FBXO42: variants seen among roughly 807,000 people sequenced by gnomAD.
FBXO42 encodes F-box only protein 42.
FBXO42 carries 12 observed loss-of-function variants against 71.7 expected under a neutral mutation model. That is an observed-to-expected ratio of 0.17 (90% CI 0.11 to 0.27). FBXO42 has a LOEUF of 0.27. Among genes scored for constraint, FBXO42 ranks in the 10% least tolerant of loss-of-function variants. The probability of loss-of-function intolerance (pLI) is 1.00; values close to 1 mark genes in which losing one functional copy is unlikely to be tolerated. For missense variants in FBXO42, 707 were observed against 911.9 expected (o/e 0.78, Z 2.89); for synonymous variants, 325 against 327.5 (o/e 0.99, Z 0.08).
intron 1 of FBXO42, among the ~76,000 whole-genome samples, chr1:16,351,591 G>C (rs1042608823): frequency 1.3e-5 from 2 of 151,746 alleles, no homozygotes; most frequent in African/African-American, 4.8e-5. Context: ...CGACCATCAA[G>C]ATCTCACAAT....
At chr1:16,338,351 C>G (rs2082571880) in intron 1 of FBXO42, among the ~76,000 whole-genome samples, 1 of 65,716 alleles carries the variant, frequency 1.5e-5, no homozygotes, top group African/African-American at 5.1e-5. Context: ...ATGGCCCTAT[C>G]TCCAAAAAAA....
rs376758502 is a variant in FBXO42, at chr1:16,255,836, C to T, written c.657-15G>A. 3 of 1,594,250 alleles carry T rather than the reference C, an allele frequency of 1.9e-6. No individual in the cohort carries two copies. The highest frequency in any genetic ancestry group is 1.3e-5 in the African/African-American group (1 of 74,378). On this transcript the variant is annotated splice_polypyrimidine_tract_variant and intron_variant, in intron 5 of 9. Transcript: ENST00000375592. Reference sequence around the variant, plus strand: ...TGCAGTTCCACCTAATGTAAAAAGACAGGAGGAAGTCAAGAAGTCAGCACC... The same window carrying T: ...TGCAGTTCCACCTAATGTAAAAAGATAGGAGGAAGTCAAGAAGTCAGCACC...
Position 16,250,883 on chromosome 1 carries a change from G to A in FBXO42, c.1941C>T (p.Tyr647=), listed in dbSNP as rs550089602. 2.4e-5 allele frequency: 38 copies of A among 1,614,104 alleles called. No homozygotes were observed. Among genetic ancestry groups the A allele is most frequent in the Middle Eastern group, 1.6e-4 (1 of 6,062 alleles). ...CCTTGGTGTCTTTAATGTCCAGCACGTACATCTGCATGGGCTTGCAGTTCA... is the reference window on the plus strand; with the variant it reads ...CCTTGGTGTCTTTAATGTCCAGCACATACATCTGCATGGGCTTGCAGTTCA... The part of the protein sequence containing the change: ...QSMNCKPMQM[Y]VLDIKDTKEK... Residue 647 remains tyrosine, a synonymous_variant, in exon 10 of 10, where the codon TAC becomes TAT. Transcript: ENST00000375592. This position sits in a 1 kb window ranked among gnomAD's most constrained non-coding sequence, Gnocchi z 4.7.
Position 16,270,751 on chromosome 1 carries a change from TACACACACACACACAC to T in FBXO42, c.503-14008_503-13993del, listed in dbSNP as rs58610558. On this transcript the variant is annotated intron_variant, in intron 4 of 9. Coordinates refer to ENST00000375592, the MANE Select transcript of FBXO42 (RefSeq NM_018994.3). ...TCCAAATCCCTTACTTACCATGAGA[TACACACACACACACAC>T]ACACACACACACACACACACACACA... Among the ~76,000 whole-genome samples, 363 of 111,002 alleles carry T rather than the reference TACACACACACACACAC, an allele frequency of 3.3e-3. 1 individual carries two copies. Among genetic ancestry groups the T allele is most frequent in the African/African-American group, 9.9e-3 (279 of 28,188 alleles). The allele number at this position is 111,002 out of a possible 152,430, so 72.8% of individuals were successfully genotyped here. A position where few individuals can be genotyped will look rare whatever the true frequency, so the allele number is the denominator to read the frequency against.
intron 1 of FBXO42, among the ~76,000 whole-genome samples, chr1:16,336,218 A>G (rs2082551984): frequency 6.6e-6 from 1 of 152,036 alleles, no homozygotes; most frequent in East Asian, 2.0e-4. Flanking sequence ...GATTACAGGC[A>G]TGAGCCACCG....
Position 16,320,360 on chromosome 1 carries a change from C to CAAAA in FBXO42, c.-17-4929_-17-4926dup, listed in dbSNP as rs35441053. The stretch of plus-strand genomic sequence containing the variant: ...TGGGCAACAAGAGCAAACTCCATGT[C>CAAAA]AAAAAAAAAAAAAAAAAAATCAAAC... On this transcript the variant is annotated intron_variant, in intron 1 of 9. Coordinates refer to ENST00000375592, the MANE Select transcript of FBXO42 (RefSeq NM_018994.3). Among the ~76,000 whole-genome samples, 20 of 113,438 alleles carry CAAAA rather than the reference C, an allele frequency of 1.8e-4. 1 individual carries two copies. Among genetic ancestry groups the CAAAA allele is most frequent in the African/African-American group, 6.0e-4 (17 of 28,408 alleles). The allele number at this position is 113,438 out of a possible 152,430, so 74.4% of individuals were successfully genotyped here.
intron 4 of FBXO42, 65 bp from the exon 5 acceptor site, chr1:16,256,824 T>C: frequency 1.9e-6 from 3 of 1,544,558 alleles, no homozygotes; most frequent in Non-Finnish European, 2.7e-6. Context: ...AGTTAGGCTA[T>C]CCATAGATCA....
chr1:16,283,643 C>G (rs2081990432), intron 4 of FBXO42, among the ~76,000 whole-genome samples: 1 of 151,808 alleles, frequency 6.6e-6, no homozygotes, highest in Admixed American at 6.6e-5. Context: ...ATTACAGGCA[C>G]CCACCACCAT....
chr1:16,313,239 T>C (rs1222432967), intron 2 of FBXO42, among the ~76,000 whole-genome samples: 1 of 144,490 alleles, frequency 6.9e-6, no homozygotes, highest in Non-Finnish European at 1.5e-5. Flanking sequence ...TTGTGAGTAC[T>C]AGGGTAGGGT....
At chr1:16,283,495 T>TTTTTTTTTTTTTG (rs1553151403) in intron 4 of FBXO42, among the ~76,000 whole-genome samples, 21 of 68,728 alleles carry the variant, frequency 3.1e-4, no homozygotes, top group South Asian at 1.1e-3. Context: ...CTGTGGCAAG[T>TTTTTTTTTTTTTG]TTTTTTTTTT....
intron 1 of FBXO42, among the ~76,000 whole-genome samples, chr1:16,322,127 T>A (rs1001439093): frequency 2.0e-5 from 3 of 152,194 alleles, no homozygotes; most frequent in Non-Finnish European, 4.4e-5. Flanking sequence ...CCTTTATATG[T>A]TACTAGATGT....
intron 1 of FBXO42, among the ~76,000 whole-genome samples, chr1:16,341,500 T>A (rs2082603862): frequency 2.0e-5 from 3 of 151,096 alleles, no homozygotes; most frequent in African/African-American, 7.3e-5. Flanking sequence ...CTCAGGAGGC[T>A]GAGGCAGGAG....
intron 4 of FBXO42, among the ~76,000 whole-genome samples, chr1:16,291,508 G>A (rs1002470724): frequency 6.6e-6 from 1 of 151,990 alleles, no homozygotes; most frequent in South Asian, 2.1e-4. Flanking sequence ...AACCTCCTGA[G>A]TAGCTGAGGT....
At chr1:16,272,069 T>G (rs7530218) in intron 4 of FBXO42, among the ~76,000 whole-genome samples, 1 of 144,514 alleles carries the variant, frequency 6.9e-6, no homozygotes, top group Non-Finnish European at 1.5e-5. Context: ...GCAGGAGAAT[T>G]GCATGAATCT....
At chr1:16,253,452 T>C (rs2081611320) in intron 7 of FBXO42, 183 bp downstream of exon 7, 2 of 615,816 alleles carry the variant, frequency 3.2e-6, no homozygotes, top group Admixed American at 3.2e-5. Context: ...AGGAGCATAA[T>C]ATAAAACCAC....
chr1:16,253,557 T>C, intron 7 of FBXO42, 78 bp downstream of exon 7: 3 of 1,336,378 alleles, frequency 2.2e-6, no homozygotes, highest in Non-Finnish European at 3.2e-6. Context: ...GCATCTTACC[T>C]GACTCCCTCC....
intron 4 of FBXO42, among the ~76,000 whole-genome samples, chr1:16,268,543 C>T (rs1388625723): frequency 6.6e-6 from 1 of 152,178 alleles, no homozygotes; most frequent in African/African-American, 2.4e-5. Flanking sequence ...CAAGGAAGAA[C>T]CACCACCTCA....
chr1:16,340,633 G>C (rs1206924468), intron 1 of FBXO42, among the ~76,000 whole-genome samples: 1 of 151,976 alleles, frequency 6.6e-6, no homozygotes, highest in Non-Finnish European at 1.5e-5. Flanking sequence ...CTCTACTGAG[G>C]GTTAGGGTTT....
At chr1:16,265,855 T>C (rs1389853549) in intron 4 of FBXO42, among the ~76,000 whole-genome samples, 1 of 151,810 alleles carries the variant, frequency 6.6e-6, no homozygotes, top group African/African-American at 2.4e-5. Flanking sequence ...TGGTCCCTGA[T>C]CTGCATACTA....
Sources: gnomAD v4.1 joint callset for allele counts (sites outside exome capture counted in the v4.1 genomes callset) on GRCh38, gnomAD v4.1.1 for gene constraint, Gnocchi (gnomAD v3.1) non-coding constraint, MANE v1.5 for transcripts, NCBI Gene and HGNC (gene_info 2026-07-23, HGNC 2026-07-21) for gene names.